The following THAP7 variants were observed in gnomAD, a reference collection of about 807,000 sequenced individuals.
The protein encoded by THAP7 is THAP domain-containing protein 7.
Under a neutral mutation model 29.2 loss-of-function variants are expected in THAP7, and 22 were observed. The ratio of observed to expected loss-of-function variants is 0.75; its 90% CI spans 0.54 to 1.08. The LOEUF is 1.08. Among genes scored for constraint, THAP7 ranks in the 50% least tolerant of loss-of-function variants. THAP7 has a pLI of 0.00. For synonymous variants in THAP7, 208 were observed against 173.4 expected, an observed-to-expected ratio of 1.20 and a Z score of -1.57; for missense variants, 448 against 416.2, an observed-to-expected ratio of 1.08 and a Z score of -0.66.
chr22:20,999,937 C>G lies in THAP7; in HGVS notation c.873G>C (p.Gln291His), dbSNP rs754187835. 1.3e-5 allele frequency: 21 copies of G among 1,612,030 alleles called. No homozygotes were observed. The highest frequency in any genetic ancestry group is 1.8e-5 in the Non-Finnish European group (21 of 1,179,990). The change falls in exon 4 of 4, where the codon CAG becomes CAC. Residue 291 changes from glutamine (Q) to histidine (H), a missense_variant. Coordinates refer to ENST00000215742, the MANE Select transcript of THAP7 (RefSeq NM_030573.3). ...AGTCCTGCACATGCTCCTTCAGAGT[C>G]TGGCGGGCATCTGCCTGTGCCCGCT... ...REKRAQADAR[Q>H]TLKEHVQDFA...
In THAP7 at chr22:20,999,731, T is replaced by A. The variant is rs558949752; in HGVS notation, c.*149A>T. ...CTGTCTGGGGCAGCAAGCTTAGTAC[T>A]CAGAGGGGCTCCAGCCCCCAGCTGA... is the stretch of plus-strand genomic sequence containing the variant. On this transcript the variant is annotated 3_prime_UTR_variant, in exon 4 of 4. Coordinates refer to ENST00000215742, the MANE Select transcript of THAP7 (RefSeq NM_030573.3). The A allele has an allele frequency of 2.0e-5, 18 of 920,602 alleles. No individual in the cohort carries two copies. The highest frequency in any genetic ancestry group is 3.4e-4 in the Middle Eastern group (1 of 2,942). 57.0% of individuals were successfully genotyped at this position (920,602 alleles called of 1,614,324 possible). A position where few individuals can be genotyped will look rare whatever the true frequency, so the allele number is the denominator to read the frequency against.
chr22:21,000,721 C>A lies in THAP7; in HGVS notation c.303G>T (p.Arg101=). 1.2e-6 allele frequency: 2 copies of A among 1,614,172 alleles called. No homozygotes were observed. The highest frequency in any genetic ancestry group is 8.5e-7 in the Non-Finnish European group (1 of 1,180,024). Residue 101 remains arginine, a synonymous_variant, in exon 3 of 4, where the codon CGG becomes CGT. Transcript: ENST00000215742. Reference sequence around the variant, plus strand: ...AACTGTGTCCTTTGGTCTTGGTTGTCCGGCGCAACTTGGAGAAAGACTCAA... The same window carrying A: ...AACTGTGTCCTTTGGTCTTGGTTGTACGGCGCAACTTGGAGAAAGACTCAA... ...TIFESFSKLR[R]TTKTKGHSYP...
chr22:21,001,741 G>T, intron 1 of THAP7, 91 bp downstream of exon 1: 1 of 1,366,452 alleles, frequency 7.3e-7, no homozygotes, highest in Non-Finnish European at 9.9e-7. Context: ...CTCAGTATCT[G>T]AGAAAGGCGC....
rs200305591 is a variant in THAP7 at position 20,999,953 on chromosome 22, T to G, written c.857A>C (p.Gln286Pro). ...CTTCAGAGTCTGGCGGGCATCTGCC[T>G]GTGCCCGCTTCTCCCGTGCCCGCTC... ...QQERAREKRA[Q>P]ADARQTLKEH... The change falls in exon 4 of 4, where the codon CAG (glutamine) becomes CCG (proline). Residue 286 changes from glutamine to proline, a missense_variant. Coordinates refer to ENST00000215742, the MANE Select transcript of THAP7 (RefSeq NM_030573.3). The G allele has an allele frequency of 6.2e-7, 1 of 1,612,562 alleles. No homozygotes were observed. The highest frequency in any genetic ancestry group is 8.5e-7 in the Non-Finnish European group (1 of 1,179,996).
intron 3 of THAP7, 27 bp downstream of exon 3, chr22:21,000,620 G>A (rs369554314): frequency 1.2e-6 from 2 of 1,613,538 alleles, no homozygotes; most frequent in Non-Finnish European, 8.5e-7. Context: ...GGGTGGGAGT[G>A]GGGCATCCCC....
rs1447075742 is a variant in THAP7 at position 21,002,024 on chromosome 22, G to C, written c.-113C>G. 1.1e-5 allele frequency: 12 copies of C among 1,073,562 alleles called. No individual in the cohort carries two copies. In the African/African-American group the frequency reaches 1.7e-4, roughly 15 times the overall value. The allele number at this position is 1,073,562 out of a possible 1,614,324, so 66.5% of individuals were successfully genotyped here. ...GGCTCTGGCCTGTCGGGTCCCCCCCGGCCCGTTGTCGCCCCAACCCCGTCC... is the reference window on the plus strand; with the variant it reads ...GGCTCTGGCCTGTCGGGTCCCCCCCCGCCCGTTGTCGCCCCAACCCCGTCC... On this transcript the variant is annotated 5_prime_UTR_variant, in exon 1 of 4. Transcript: ENST00000215742.
Position 21,001,941 on chromosome 22 carries a change from G to T in THAP7, c.-30C>A, listed in dbSNP as rs763133872. On this transcript the variant is annotated 5_prime_UTR_variant, in exon 1 of 4. Transcript: ENST00000215742. The stretch of plus-strand genomic sequence containing the variant: ...GAAAGAGGCGGGAGTTAAGTCGCAA[G>T]CGGCTCTCCGGGCATCCGGAGGAGC... 6.9e-5 allele frequency: 106 copies of T among 1,532,484 alleles called. No individual in the cohort carries two copies. Among genetic ancestry groups the T allele is most frequent in the Non-Finnish European group, 8.9e-5 (101 of 1,139,162 alleles). The allele number at this position is 1,532,484 out of a possible 1,614,324, so 94.9% of individuals were successfully genotyped here. A position where few individuals can be genotyped will look rare whatever the true frequency, so the allele number is the denominator to read the frequency against.
rs779105539 is a variant in THAP7 at position 20,999,879 on chromosome 22, C to T, written c.*1G>A. On this transcript the variant is annotated 3_prime_UTR_variant, in exon 4 of 4. Transcript: ENST00000215742. Reference sequence around the variant, plus strand: ...AGCCCCTCGGTCAGTCCAGCAGCCCCTCAGGCCATGCTGCTGCTCAGCTGC... The same window carrying T: ...AGCCCCTCGGTCAGTCCAGCAGCCCTTCAGGCCATGCTGCTGCTCAGCTGC... 19 of 1,601,150 alleles carry T rather than the reference C, an allele frequency of 1.2e-5. No homozygotes were observed. Among genetic ancestry groups the T allele is most frequent in the African/African-American group, 6.7e-5 (5 of 74,834 alleles).
rs1462306812 is a variant in THAP7, at chr22:21,001,420, C to T, written c.81-9G>A. Reference sequence around the variant, plus strand: ...TGTCCTTCTTGGGAAGTCTGTGGAGCCACAAACCCGTGAGCACCAGGCTGT... The same window carrying T: ...TGTCCTTCTTGGGAAGTCTGTGGAGTCACAAACCCGTGAGCACCAGGCTGT... On this transcript the variant is annotated splice_polypyrimidine_tract_variant and intron_variant, in intron 1 of 3. Coordinates refer to ENST00000215742, the MANE Select transcript of THAP7 (RefSeq NM_030573.3). 2 of 1,612,876 alleles carry T rather than the reference C, an allele frequency of 1.2e-6. No homozygotes were observed. The highest frequency in any genetic ancestry group is 3.3e-5 in the Admixed American group (2 of 59,998).
At position 20,999,846 on chromosome 22, in the gene THAP7, T is replaced by C; in HGVS notation, c.*34A>G. 1 of 1,571,160 alleles carries C rather than the reference T, an allele frequency of 6.4e-7. No individual in the cohort carries two copies. The highest frequency in any genetic ancestry group is 8.6e-7 in the Non-Finnish European group (1 of 1,162,648). ...CTGAGGGAGGAAGAGGCTGCAGTCT[T>C]GCTGGGCAGCCCCTCGGTCAGTCCA... On this transcript the variant is annotated 3_prime_UTR_variant, in exon 4 of 4. Coordinates refer to ENST00000215742, the MANE Select transcript of THAP7 (RefSeq NM_030573.3).
In THAP7 at chr22:21,000,340, GCAGGTGCTGAGGCCTCTTCCA is replaced by G; in HGVS notation, c.449_469del (p.Val150_Pro156del). 1 of 1,553,954 alleles carries G rather than the reference GCAGGTGCTGAGGCCTCTTCCA, an allele frequency of 6.4e-7. No homozygotes were observed. Among genetic ancestry groups the G allele is most frequent in the Non-Finnish European group, 8.7e-7 (1 of 1,148,696 alleles). On this transcript the variant is annotated inframe_deletion, in exon 4 of 4. Transcript: ENST00000215742. ...CCCAGCTGGGGAGGCCGGCAAAGTG[GCAGGTGCTGAGGCCTCTTCCA>G]CAGGAAAGCAGGTGACATCAGCAGG...
rs753446832 is a variant in THAP7, at chr22:21,000,680, G to T, written c.344C>A (p.Ala115Asp). Residue 115 changes from alanine (A) to aspartate (D), a missense_variant, in exon 3 of 4, where the codon GCT becomes GAT. Coordinates refer to ENST00000215742, the MANE Select transcript of THAP7 (RefSeq NM_030573.3). The part of the protein sequence containing the change: ...TKGHSYPPGP[A>D]EVSRLRRCRK... ...GCATCGTCTGAGCCGGCTGACTTCA[G>T]CGGGGCCAGGTGGGTAACTGTGTCC... is the stretch of plus-strand genomic sequence containing the variant. 3 of 1,614,054 alleles carry T rather than the reference G, an allele frequency of 1.9e-6. No homozygotes were observed. The highest frequency in any genetic ancestry group is 1.3e-5 in the African/African-American group (1 of 74,928).
intron 1 of THAP7, 136 bp downstream of exon 1, chr22:21,001,696 T>G: frequency 9.3e-7 from 1 of 1,078,844 alleles, no homozygotes; most frequent in Non-Finnish European, 1.3e-6. Context: ...GCCGGGACCG[T>G]TCCGCTTCAC....
In THAP7 at chr22:21,000,440, G is replaced by T; in HGVS notation, c.378-8C>A. Reference sequence around the variant, plus strand: ...CCTCGGCCCTCGGAGCAGCTGGTAAGGGGGAAGAGAGAGACTGATGGGCTA... The same window carrying T: ...CCTCGGCCCTCGGAGCAGCTGGTAATGGGGAAGAGAGAGACTGATGGGCTA... On this transcript the variant is annotated splice_polypyrimidine_tract_variant and splice_region_variant and intron_variant, in intron 3 of 3. Transcript: ENST00000215742. 1 of 1,548,164 alleles carries T rather than the reference G, an allele frequency of 6.5e-7. No homozygotes were observed. Among genetic ancestry groups the T allele is most frequent in the East Asian group, 2.4e-5 (1 of 41,272 alleles).
intron 1 of THAP7, 80 bp from the exon 2 acceptor site, chr22:21,001,491 G>A (rs1364885633): frequency 7.8e-6 from 12 of 1,531,668 alleles, no homozygotes; most frequent in Non-Finnish European, 8.8e-7. Flanking sequence ...GAGGGGAAAC[G>A]CAGACCCAAC....
rs1282375977 is a variant in THAP7 at position 21,000,856 on chromosome 22, C to T, written c.237-69G>A. The T allele has an allele frequency of 2.5e-6, 4 of 1,600,584 alleles. No homozygotes were observed. The Admixed American group carries it at 6.7e-5, about 27-fold the overall frequency. On this transcript the variant is annotated intron_variant, in intron 2 of 3. Transcript: ENST00000215742. ...CCTCCCCAGGCCAATCTGCCCCCAG[C>T]AGCAGCGCCGTGGGATGCTGGAAGG...
chr22:21,001,656 G>T, intron 1 of THAP7, 176 bp downstream of exon 1: 1 of 893,138 alleles, frequency 1.1e-6, no homozygotes, highest in Non-Finnish European at 1.7e-6. Context: ...TAGACTTCCC[G>T]TCCTCCCCTT....
Position 20,999,862 on chromosome 22 carries a change from G to C in THAP7, c.*18C>G. 1 of 1,589,484 alleles carries C rather than the reference G, an allele frequency of 6.3e-7. No individual in the cohort carries two copies. The highest frequency in any genetic ancestry group is 8.5e-7 in the Non-Finnish European group (1 of 1,170,926). On this transcript the variant is annotated 3_prime_UTR_variant, in exon 4 of 4. Coordinates refer to ENST00000215742, the MANE Select transcript of THAP7 (RefSeq NM_030573.3). ...CTGCAGTCTTGCTGGGCAGCCCCTC[G>C]GTCAGTCCAGCAGCCCCTCAGGCCA...
At chr22:21,000,571 T>G (rs1925103498) in intron 3 of THAP7, 76 bp downstream of exon 3, 1 of 1,600,430 alleles carries the variant, frequency 6.2e-7, no homozygotes, top group African/African-American at 1.3e-5. Context: ...CCAGCGAGAC[T>G]GCTGGCAGAC....
Sources: gnomAD v4.1 joint callset for allele counts on GRCh38, gnomAD v4.1.1 for gene constraint, MANE v1.5 for transcripts, NCBI Gene and HGNC (gene_info 2026-07-23, HGNC 2026-07-21) for gene names.